HELQ: variants seen among roughly 807,000 people sequenced by gnomAD.
The protein encoded by HELQ is helicase, POLQ like, also known as helicase POLQ-like.
HELQ carries 77 observed loss-of-function variants against 111.6 expected under a neutral mutation model. The observed-to-expected ratio is 0.69, with a 90% confidence interval of 0.57 to 0.83. HELQ has a LOEUF of 0.83. HELQ is among the 40% of genes least tolerant of loss of function. The pLI, the probability that HELQ is intolerant of heterozygous loss-of-function variation, is 0.00. For synonymous variants in HELQ, 438 were observed against 454.7 expected (o/e 0.96, Z 0.47); for missense variants, 1,200 against 1,288.5 (o/e 0.93, Z 1.05).
chr4:83,431,565 A>G, intron 11 of HELQ, 99 bp downstream of exon 11: 1 of 430,194 alleles, frequency 2.3e-6, no homozygotes, highest in Non-Finnish European at 4.1e-6. Context: ...AAAAATTAGT[A>G]TAAAATCTAC....
chr4:83,452,167 C>T (rs1429524570), intron 2 of HELQ, among the ~76,000 whole-genome samples: 2 of 152,220 alleles, frequency 1.3e-5, no homozygotes, highest in African/African-American at 2.4e-5. Context: ...GTCCAACCCA[C>T]GGCCCTCATG....
At position 83,416,814 on chromosome 4, in the gene HELQ, C is replaced by T. The variant is rs1390183286; in HGVS notation, c.3115G>A (p.Ala1039Thr). ...SAGYKSLMHLANANPEVLVRT... is the reference protein window; with the variant it reads ...SAGYKSLMHLTNANPEVLVRT... ...ACGAGCACTTCAGGATTTGCATTAG[C>T]TAAGTGCATTAGACTTTTGTAACCT... Residue 1039 changes from alanine (A) to threonine (T), a missense_variant, in exon 17 of 18, where the codon GCT (alanine) becomes ACT (threonine). Around this residue, in one of 3 missense-constraint regions of HELQ, gnomAD observed 585 missense variants for 665.3 expected, o/e 0.88. Coordinates refer to ENST00000295488, the MANE Select transcript of HELQ (RefSeq NM_133636.5). 6.2e-7 allele frequency: 1 copy of T among 1,613,690 alleles called. No individual in the cohort carries two copies.
At chr4:83,416,334 C>T (rs1278854667) in intron 17 of HELQ, among the ~76,000 whole-genome samples, 1 of 151,926 alleles carries the variant, frequency 6.6e-6, no homozygotes, top group East Asian at 1.9e-4. Flanking sequence ...GATCCTCTTG[C>T]CTCAGTCTCC....
intron 6 of HELQ, 115 bp from the exon 7 acceptor site, chr4:83,441,518 A>C: frequency 3.7e-6 from 2 of 544,164 alleles, no homozygotes; most frequent in Non-Finnish European, 6.4e-6. Context: ...TAGCTTTTCT[A>C]AGATACATAA....
chr4:83,419,041 A>T (rs537087558), intron 15 of HELQ, among the ~76,000 whole-genome samples: 28 of 152,304 alleles, frequency 1.8e-4, no homozygotes, highest in Non-Finnish European at 1.2e-4. Context: ...ATAACTTTTT[A>T]AAATAAAAAA....
At chr4:83,452,568 T>C (rs921518394) in intron 2 of HELQ, among the ~76,000 whole-genome samples, 7 of 152,168 alleles carry the variant, frequency 4.6e-5, no homozygotes, top group African/African-American at 9.7e-5. Context: ...GTCAAAGACA[T>C]ACCACAACAG....
chr4:83,455,578 T>C lies in HELQ; in HGVS notation c.116A>G (p.Glu39Gly). The C allele has an allele frequency of 6.2e-7, 1 of 1,614,124 alleles. No homozygotes were observed. Among genetic ancestry groups the C allele is most frequent in the Non-Finnish European group, 8.5e-7 (1 of 1,180,010 alleles). ...CACCATTTCCTCCTCCTCTTTCCCC[T>C]CATCTCCGGGCACGAGCTCGGCCGC... ...PTAAELVPGD[E>G]GKEEEEMVAE... Residue 39 changes from glutamate to glycine, a missense_variant, in exon 1 of 18, where the codon GAG (glutamate) becomes GGG (glycine). Around this residue, in one of 3 missense-constraint regions of HELQ, gnomAD observed 610 missense variants for 607.1 expected, o/e 1.00. Coordinates refer to ENST00000295488, the MANE Select transcript of HELQ (RefSeq NM_133636.5).
At chr4:83,444,266 T>C (rs1720930929) in intron 5 of HELQ, among the ~76,000 whole-genome samples, 1 of 152,218 alleles carries the variant, frequency 6.6e-6, no homozygotes, top group African/African-American at 2.4e-5. Flanking sequence ...GTTCCACAGG[T>C]ATGGCTATAG....
chr4:83,429,376 C>T, intron 12 of HELQ, 148 bp downstream of exon 12: 1 of 605,700 alleles, frequency 1.7e-6, no homozygotes, highest in Non-Finnish European at 2.9e-6. Flanking sequence ...CTCAAACTCC[C>T]AACCTCAAGT....
intron 17 of HELQ, among the ~76,000 whole-genome samples, chr4:83,415,882 AG>A (rs1560539659): frequency 6.7e-6 from 1 of 149,546 alleles, no homozygotes; most frequent in African/African-American, 2.5e-5. Context: ...CCTGGCTTCA[AG>A]TGATCCACCT....
In HELQ at chr4:83,453,429, C is replaced by T; in HGVS notation, c.814G>A (p.Ala272Thr). 6.2e-7 allele frequency: 1 copy of T among 1,603,022 alleles called. No homozygotes were observed. Among genetic ancestry groups the T allele is most frequent in the Non-Finnish European group, 8.5e-7 (1 of 1,176,410 alleles). Residue 272 changes from alanine to threonine, a missense_variant, in exon 2 of 18, where the codon GCC becomes ACC. Ala to Thr is a moderately conservative substitution (Grantham distance 58). Coordinates refer to ENST00000295488, the MANE Select transcript of HELQ (RefSeq NM_133636.5). ...RKSIKDHLKN[A>T]MTGNAKAQTP... ...TGGGCCTTCGCATTTCCAGTCATGG[C>T]ATTTTTTAGATGATCTTTAATACTT...
intron 17 of HELQ, among the ~76,000 whole-genome samples, chr4:83,408,565 TA>T (rs1738914559): frequency 6.6e-6 from 1 of 151,444 alleles, no homozygotes; most frequent in African/African-American, 2.4e-5. Context: ...TTTTTTTTTT[TA>T]ATTAGAAAAA....
chr4:83,409,593 C>T (rs760001561), intron 17 of HELQ, among the ~76,000 whole-genome samples: 2 of 151,226 alleles, frequency 1.3e-5, no homozygotes, highest in Non-Finnish European at 2.9e-5. Flanking sequence ...AGAACCCAAA[C>T]TCTTCATCTC....
intron 7 of HELQ, 133 bp downstream of exon 7, chr4:83,441,172 G>A (rs990111400): frequency 2.2e-5 from 14 of 626,836 alleles, no homozygotes; most frequent in Middle Eastern, 3.9e-4. Context: ...CAGTCTGCAT[G>A]GTGTCCAACA....
At chr4:83,438,747 G>GAAAAAAA (rs1720598218) in intron 8 of HELQ, among the ~76,000 whole-genome samples, 2 of 55,966 alleles carry the variant, frequency 3.6e-5, no homozygotes, top group African/African-American at 2.2e-4. Flanking sequence ...CCCTGTCTCA[G>GAAAAAAA]GAAAAAAAAA....
In HELQ at chr4:83,455,734, A is replaced by T; in HGVS notation, c.-41T>A. On this transcript the variant is annotated 5_prime_UTR_variant, in exon 1 of 18. Transcript: ENST00000295488. ...CCCTATTCAGACGTCGTTCTCAGTGACCCAGACGCTAAGCCCATATGGAAG... is the reference window on the plus strand; with the variant it reads ...CCCTATTCAGACGTCGTTCTCAGTGTCCCAGACGCTAAGCCCATATGGAAG... 1 of 1,570,000 alleles carries T rather than the reference A, an allele frequency of 6.4e-7. No individual in the cohort carries two copies.
intron 11 of HELQ, among the ~76,000 whole-genome samples, chr4:83,430,981 G>A (rs1252283950): frequency 6.6e-6 from 1 of 152,090 alleles, no homozygotes; most frequent in African/African-American, 2.4e-5. Context: ...CATAGTAATT[G>A]AAACCCACTG....
Position 83,446,759 on chromosome 4 carries a change from A to G in HELQ, c.1392+76T>C. On this transcript the variant is annotated intron_variant, in intron 4 of 17. Transcript: ENST00000295488. ...TTATAGAGGTACTAAGGTACTAAGT[A>G]GATCCACACAATAACCAGAATAATA... 3.5e-6 allele frequency: 3 copies of G among 856,514 alleles called. No homozygotes were observed. In the South Asian group the frequency reaches 5.1e-5, roughly 14 times the overall value. 53.1% of individuals were successfully genotyped at this position (856,514 alleles called of 1,614,324 possible).
At chr4:83,442,795 T>G (rs911939576) in intron 6 of HELQ, among the ~76,000 whole-genome samples, 1 of 152,102 alleles carries the variant, frequency 6.6e-6, no homozygotes, top group African/African-American at 2.4e-5. Context: ...CAAGCAATTC[T>G]CATGCCCCGG....
Sources: gnomAD v4.1 joint callset for allele counts (sites outside exome capture counted in the v4.1 genomes callset) on GRCh38, gnomAD v4.1.1 for gene constraint, gnomAD v4.1.1 regional missense constraint, MANE v1.5 for transcripts, NCBI Gene and HGNC (gene_info 2026-07-23, HGNC 2026-07-21) for gene names.